The following KCNH1 variants were observed in gnomAD, a reference collection of about 807,000 sequenced individuals.
KCNH1 encodes voltage-gated delayed rectifier potassium channel KCNH1.
Under a neutral mutation model 69.2 loss-of-function variants are expected in KCNH1, and 27 were observed. The observed-to-expected ratio is 0.39, with a 90% confidence interval of 0.29 to 0.54. KCNH1 has a LOEUF of 0.54. KCNH1 is among the 20% of genes least tolerant of loss of function. The probability of loss-of-function intolerance (pLI) is 0.68; values close to 1 mark genes in which losing one functional copy is unlikely to be tolerated. For missense variants in KCNH1, 798 were observed against 1,261.6 expected (o/e 0.63, Z 5.57); for synonymous variants, 456 against 487.7 (o/e 0.93, Z 0.86).
At chr1:210,883,326 G>A (rs949890622) in intron 7 of KCNH1, among the ~76,000 whole-genome samples, 2 of 152,180 alleles carry the variant, frequency 1.3e-5, no homozygotes, top group African/African-American at 4.8e-5. Flanking sequence ...GGCTAACCTA[G>A]TCTCCCTGTC....
At chr1:211,004,503 A>G (rs1004098754) in intron 6 of KCNH1, among the ~76,000 whole-genome samples, 1 of 152,166 alleles carries the variant, frequency 6.6e-6, no homozygotes, top group Non-Finnish European at 1.5e-5. Flanking sequence ...GTGCCCACCC[A>G]AAGTGTAGTA....
At chr1:211,049,011 A>C (rs954488689) in intron 5 of KCNH1, among the ~76,000 whole-genome samples, 1 of 152,144 alleles carries the variant, frequency 6.6e-6, no homozygotes, top group East Asian at 1.9e-4. Context: ...GAAGAAAGGG[A>C]GACTGATAAA....
chr1:210,730,353 A>G (rs979101215), intron 10 of KCNH1, among the ~76,000 whole-genome samples: 2 of 152,192 alleles, frequency 1.3e-5, no homozygotes, highest in Non-Finnish European at 2.9e-5. Context: ...CCTGGGTGTC[A>G]AAACATGGCT....
At chr1:211,020,251 T>C (rs1025336671) in intron 5 of KCNH1, among the ~76,000 whole-genome samples, 3 of 151,498 alleles carry the variant, frequency 2.0e-5, no homozygotes, top group Non-Finnish European at 4.4e-5. Context: ...CCCAAACCTA[T>C]AACTAAGAAA....
intron 6 of KCNH1, among the ~76,000 whole-genome samples, chr1:210,964,399 C>A (rs1688357915): frequency 2.0e-5 from 3 of 152,064 alleles, no homozygotes; most frequent in African/African-American, 7.2e-5. Context: ...GAAAAACTAG[C>A]TAACAACATA....
At chr1:210,751,084 G>A (rs1261321161) in intron 10 of KCNH1, among the ~76,000 whole-genome samples, 1 of 152,158 alleles carries the variant, frequency 6.6e-6, no homozygotes, top group Non-Finnish European at 1.5e-5. Context: ...CTTTCTGGAG[G>A]AGGCATCTTT....
intron 7 of KCNH1, among the ~76,000 whole-genome samples, chr1:210,846,303 G>A (rs1374034652): frequency 1.3e-5 from 2 of 152,180 alleles, no homozygotes; most frequent in African/African-American, 2.4e-5. Flanking sequence ...CAAACCTGGA[G>A]GCATCACGCT....
chr1:210,801,075 T>C (rs957338286), intron 8 of KCNH1, among the ~76,000 whole-genome samples: 2 of 152,134 alleles, frequency 1.3e-5, no homozygotes, highest in Non-Finnish European at 1.5e-5. Context: ...TCATTTTTGA[T>C]ATTGTCATCA....
chr1:211,097,331 G>A lies in KCNH1; in HGVS notation c.310+6165C>T, dbSNP rs548041550. Among the ~76,000 whole-genome samples, 7 of 151,938 alleles carry A rather than the reference G, an allele frequency of 4.6e-5. No homozygotes were observed. The South Asian group carries it at 6.2e-4, about 14-fold the overall frequency. On this transcript the variant is annotated intron_variant, in intron 3 of 10. Transcript: ENST00000271751. Reference sequence around the variant, plus strand: ...GTTACCAAAAGGAAAAAAAGGAAACGTATTTTTATTATTTAGGTAAGGAGA... The same window carrying A: ...GTTACCAAAAGGAAAAAAAGGAAACATATTTTTATTATTTAGGTAAGGAGA...
At chr1:211,077,805 C>A (rs1336121774) in intron 5 of KCNH1, among the ~76,000 whole-genome samples, 1 of 152,070 alleles carries the variant, frequency 6.6e-6, no homozygotes, top group South Asian at 2.1e-4. Flanking sequence ...TTAAAAGACA[C>A]AAAATGGCAA....
intron 7 of KCNH1, among the ~76,000 whole-genome samples, chr1:210,897,515 G>A (rs1686896479): frequency 6.6e-6 from 1 of 152,152 alleles, no homozygotes; most frequent in African/African-American, 2.4e-5. Flanking sequence ...CAGTGATGAG[G>A]ACACCCCTGC....
chr1:210,924,093 T>C (rs777430763), intron 6 of KCNH1, among the ~76,000 whole-genome samples: 6 of 152,190 alleles, frequency 3.9e-5, no homozygotes, highest in Non-Finnish European at 7.4e-5. Context: ...AGTTAAGGAA[T>C]GCCAAAAATT....
chr1:210,774,183 G>A (rs1235591482), intron 10 of KCNH1, among the ~76,000 whole-genome samples: 1 of 152,166 alleles, frequency 6.6e-6, no homozygotes, highest in Non-Finnish European at 1.5e-5. Context: ...TCAGGTGGGA[G>A]ACTGACAGAT....
intron 5 of KCNH1, among the ~76,000 whole-genome samples, chr1:211,052,605 A>G (rs1690227192): frequency 6.6e-6 from 1 of 152,224 alleles, no homozygotes; most frequent in South Asian, 2.1e-4. Context: ...AAAGAGAAGA[A>G]TAGGAAATCT....
intron 5 of KCNH1, among the ~76,000 whole-genome samples, chr1:211,062,891 G>A (rs1190497314): frequency 6.6e-6 from 1 of 152,166 alleles, no homozygotes; most frequent in Admixed American, 6.5e-5. Flanking sequence ...TGTGGAGAAC[G>A]ATTTGGAGAT....
intron 5 of KCNH1, among the ~76,000 whole-genome samples, chr1:211,037,456 G>C (rs1043955807): frequency 1.3e-5 from 2 of 150,184 alleles, no homozygotes; most frequent in Non-Finnish European, 2.9e-5. Context: ...TGACAAAACA[G>C]GACTGTACGC....
chr1:211,011,937 G>A (rs923501957), intron 6 of KCNH1, among the ~76,000 whole-genome samples: 19 of 152,246 alleles, frequency 1.2e-4, no homozygotes, highest in African/African-American at 4.1e-4. Flanking sequence ...TGGAGGCAGC[G>A]GCAACATCAC....
chr1:210,976,101 A>G (rs899877316), intron 6 of KCNH1, among the ~76,000 whole-genome samples: 1 of 152,178 alleles, frequency 6.6e-6, no homozygotes, highest in Non-Finnish European at 1.5e-5. Context: ...TCAGGAAACA[A>G]CAGGTGCTGG....
At chr1:210,893,319 G>T (rs1330215755) in intron 7 of KCNH1, among the ~76,000 whole-genome samples, 1 of 152,144 alleles carries the variant, frequency 6.6e-6, no homozygotes, top group Non-Finnish European at 1.5e-5. Context: ...GTACTTTAAA[G>T]ATGGTGCTCT....
Sources: gnomAD v4.1 joint callset for allele counts (sites outside exome capture counted in the v4.1 genomes callset) on GRCh38, gnomAD v4.1.1 for gene constraint, MANE v1.5 for transcripts, NCBI Gene and HGNC (gene_info 2026-07-23, HGNC 2026-07-21) for gene names.